Variants in NT5C2 observed in about 807,000 individuals in gnomAD.
NT5C2 encodes 5'-nucleotidase, cytosolic II.
NT5C2 carries 58 observed loss-of-function variants against 76.1 expected under a neutral mutation model. The ratio of observed to expected loss-of-function variants is 0.76; its 90% CI spans 0.62 to 0.95. NT5C2 has a LOEUF of 0.95. Ranked by LOEUF, NT5C2 falls within the 40% of genes least tolerant of loss-of-function variation. The probability of loss-of-function intolerance (pLI) is 0.00; values close to 1 mark genes in which losing one functional copy is unlikely to be tolerated. For synonymous variants in NT5C2, 229 were observed against 237.4 expected, an observed-to-expected ratio of 0.96 and a Z score of 0.32; for missense variants, 478 against 690.3, an observed-to-expected ratio of 0.69 and a Z score of 3.45.
chr10:103,177,495 T>A (rs2090211903), intron 2 of NT5C2, among the ~76,000 whole-genome samples: 1 of 152,190 alleles, frequency 6.6e-6, no homozygotes, highest in Non-Finnish European at 1.5e-5. Context: ...TAACATCGTT[T>A]ATGACATGAA....
At chr10:103,171,907 T>C (rs562133673) in intron 3 of NT5C2, among the ~76,000 whole-genome samples, 46 of 152,134 alleles carry the variant, frequency 3.0e-4, no homozygotes, top group African/African-American at 8.7e-4. Flanking sequence ...AAAATAAATT[T>C]TTTTTTAAAA....
Position 103,088,227 on chromosome 10 carries a change from G to A in NT5C2, c.*1445C>T, listed in dbSNP as rs1038327287. ...CCCCTATTGACCAATGACAAGAATG[G>A]AAGAAAATATACAATGGTTAAAGAA... On this transcript the variant is annotated 3_prime_UTR_variant, in exon 19 of 19. Coordinates refer to ENST00000404739, the MANE Select transcript of NT5C2 (RefSeq NM_001351169.2). The A allele has an allele frequency of 1.3e-5, 2 of 152,140 alleles. No homozygotes were observed. Among genetic ancestry groups the A allele is most frequent in the African/African-American group, 4.8e-5 (2 of 41,420 alleles). 9.4% of individuals were successfully genotyped at this position (152,140 alleles called of 1,614,324 possible).
chr10:103,125,295 T>A (rs1268781224), intron 4 of NT5C2: 4 of 547,830 alleles, frequency 7.3e-6, no homozygotes, highest in Non-Finnish European at 9.8e-6. Flanking sequence ...ATTGTCACAG[T>A]TAAAAAAAAA....
At chr10:103,096,804 C>T (rs1351279197) in intron 11 of NT5C2, among the ~76,000 whole-genome samples, 1 of 145,696 alleles carries the variant, frequency 6.9e-6, no homozygotes. Flanking sequence ...CGAGATCGCA[C>T]CACTGCACCC....
intron 3 of NT5C2, among the ~76,000 whole-genome samples, chr10:103,158,707 C>T (rs943628829): frequency 2.0e-5 from 3 of 151,414 alleles, no homozygotes; most frequent in African/African-American, 4.9e-5. Context: ...ATCCCAGCTA[C>T]TTTGGGAAGC....
chr10:103,171,534 A>G (rs2087997787), intron 3 of NT5C2, among the ~76,000 whole-genome samples: 2 of 152,192 alleles, frequency 1.3e-5, no homozygotes, highest in Admixed American at 1.3e-4. Context: ...CACTGCCAAT[A>G]TACCAGCACC....
chr10:103,156,521 G>A (rs1018855376), intron 3 of NT5C2, among the ~76,000 whole-genome samples: 8 of 152,080 alleles, frequency 5.3e-5, no homozygotes, highest in South Asian at 2.1e-4. Flanking sequence ...TTGGGAGGCC[G>A]AGGCGGGCGG....
intron 3 of NT5C2, among the ~76,000 whole-genome samples, chr10:103,145,822 TC>T (rs2081370061): frequency 6.6e-6 from 1 of 152,094 alleles, no homozygotes; most frequent in South Asian, 2.1e-4. Flanking sequence ...TATTATCATA[TC>T]CCACAGCAGT....
At chr10:103,122,365 C>A (rs2075832643) in intron 4 of NT5C2, among the ~76,000 whole-genome samples, 1 of 152,124 alleles carries the variant, frequency 6.6e-6, no homozygotes, top group South Asian at 2.1e-4. Flanking sequence ...TTGCCCCAGG[C>A]AGGGTTTTCA....
rs574823183 is a variant in NT5C2 at position 103,128,041 on chromosome 10, C to T, written c.175+11365G>A. 2.4e-4 allele frequency among the ~76,000 whole-genome samples: 33 copies of T among 136,808 alleles called. 1 individual carries two copies. Among genetic ancestry groups the T allele is most frequent in the African/African-American group, 5.4e-4 (20 of 36,802 alleles). 89.8% of individuals were successfully genotyped at this position (136,808 alleles called of 152,430 possible). A position where few individuals can be genotyped will look rare whatever the true frequency, so the allele number is the denominator to read the frequency against. ...AACAAAAACTGTATTTAAAATGATCCGGTCTCTCCCTCTCCCTCTCCCTCT... is the reference window on the plus strand; with the variant it reads ...AACAAAAACTGTATTTAAAATGATCTGGTCTCTCCCTCTCCCTCTCCCTCT... On this transcript the variant is annotated intron_variant, in intron 4 of 18. Transcript: ENST00000404739.
At chr10:103,092,327 G>A (rs930312105) in intron 15 of NT5C2, among the ~76,000 whole-genome samples, 4 of 151,562 alleles carry the variant, frequency 2.6e-5, no homozygotes, top group Admixed American at 2.0e-4. Context: ...TCTGTGTTTC[G>A]GATATGGAGC....
At chr10:103,091,320 A>AT (rs1385153201) in intron 16 of NT5C2, among the ~76,000 whole-genome samples, 5 of 151,442 alleles carry the variant, frequency 3.3e-5, no homozygotes, top group Non-Finnish European at 5.9e-5. Context: ...GATTACAGGC[A>AT]TGAGCCACTG....
intron 4 of NT5C2, among the ~76,000 whole-genome samples, chr10:103,117,576 G>T (rs748002437): frequency 6.6e-6 from 1 of 152,202 alleles, no homozygotes; most frequent in Non-Finnish European, 1.5e-5. Flanking sequence ...GAGCCCAGTA[G>T]TTCAAGGTTA....
chr10:103,136,975 G>A lies in NT5C2; in HGVS notation c.175+2431C>T, dbSNP rs374118054. On this transcript the variant is annotated intron_variant, in intron 4 of 18. Transcript: ENST00000404739. The stretch of plus-strand genomic sequence containing the variant: ...ATAGTTTATTTTTTCATTATTCTGT[G>A]GGAATATATAATCACCTCAGTTTTC... Among the ~76,000 whole-genome samples, 56 of 152,058 alleles carry A rather than the reference G, an allele frequency of 3.7e-4. 1 individual carries two copies. In the South Asian group the frequency reaches 0.01, roughly 28 times the overall value.
At chr10:103,135,740 A>G (rs1227334986) in intron 4 of NT5C2, among the ~76,000 whole-genome samples, 2 of 150,776 alleles carry the variant, frequency 1.3e-5, no homozygotes, top group Non-Finnish European at 2.9e-5. Context: ...ATGAGCTGAG[A>G]TCGCACCACT....
chr10:103,125,166 G>C, intron 4 of NT5C2: 1 of 577,852 alleles, frequency 1.7e-6, no homozygotes, highest in Non-Finnish European at 3.1e-6. Flanking sequence ...TCTTTGAGTT[G>C]CACATCAAAT....
Position 103,181,267 on chromosome 10 carries a change from T to C in NT5C2, c.-107A>G, listed in dbSNP as rs567491577. The C allele has an allele frequency of 1.3e-5, 2 of 151,136 alleles. No homozygotes were observed. The highest frequency in any genetic ancestry group is 2.9e-5 in the Non-Finnish European group (2 of 67,858). The allele number at this position is 151,136 out of a possible 1,614,324, so 9.4% of individuals were successfully genotyped here. On this transcript the variant is annotated 5_prime_UTR_variant, in exon 2 of 19. Coordinates refer to ENST00000404739, the MANE Select transcript of NT5C2 (RefSeq NM_001351169.2). The stretch of plus-strand genomic sequence containing the variant: ...CAGAACTTTGGGAGGCCGAGGCGAA[T>C]GGATCACTTGACGTCAGGAGATCAC...
At chr10:103,167,821 G>A (rs181062897) in intron 3 of NT5C2, among the ~76,000 whole-genome samples, 14 of 152,034 alleles carry the variant, frequency 9.2e-5, no homozygotes, top group East Asian at 3.9e-4. Flanking sequence ...TGGTAAAGAC[G>A]GGGTTTGCCA....
At chr10:103,180,805 G>A (rs1247105160) in intron 2 of NT5C2, among the ~76,000 whole-genome samples, 1 of 151,908 alleles carries the variant, frequency 6.6e-6, no homozygotes, top group African/African-American at 2.4e-5. Context: ...TTATCCACAA[G>A]TAAATGGATA....
Sources: allele counts gnomAD v4.1 joint callset (sites outside exome capture counted in the v4.1 genomes callset), GRCh38; gene constraint gnomAD v4.1.1; transcripts MANE v1.5; gene names NCBI Gene and HGNC (gene_info 2026-07-23, HGNC 2026-07-21).